ARMC9: variants seen among roughly 807,000 people sequenced by gnomAD.
ARMC9 encodes the protein armadillo repeat containing 9, also known as lisH domain-containing protein ARMC9.
In ARMC9, 94 loss-of-function variants were observed where a neutral mutation model predicts 107.0. The ratio of observed to expected loss-of-function variants is 0.88; its 90% CI spans 0.74 to 1.04. The LOEUF (loss-of-function observed/expected upper bound fraction) is 1.04. ARMC9 is among the 50% of genes least tolerant of loss of function. The probability of loss-of-function intolerance (pLI) is 0.00; values close to 1 mark genes in which losing one functional copy is unlikely to be tolerated. For missense variants in ARMC9, 942 were observed against 1,030.1 expected (o/e 0.91, Z 1.17); for synonymous variants, 380 against 396.9 (o/e 0.96, Z 0.51).
At chr2:231,245,877 T>TA (rs1288158602) in intron 9 of ARMC9, among the ~76,000 whole-genome samples, 1 of 152,120 alleles carries the variant, frequency 6.6e-6, no homozygotes, top group Non-Finnish European at 1.5e-5. Flanking sequence ...GGAGAAAAGG[T>TA]ATGCCACGAG....
At chr2:231,226,845 C>G (rs1203065661) in intron 7 of ARMC9, 47 bp downstream of exon 7, 2 of 1,588,960 alleles carry the variant, frequency 1.3e-6, no homozygotes, top group African/African-American at 1.3e-5. Flanking sequence ...TTTGCCAGTT[C>G]AGGTTTGAAG....
chr2:231,233,864 A>G (rs2035473072), intron 7 of ARMC9, among the ~76,000 whole-genome samples: 2 of 152,132 alleles, frequency 1.3e-5, no homozygotes, highest in African/African-American at 4.8e-5. Context: ...AGTAATAGCC[A>G]CCACTATATA....
intron 9 of ARMC9, among the ~76,000 whole-genome samples, chr2:231,254,530 T>C (rs1056244404): frequency 2.0e-5 from 3 of 151,568 alleles, no homozygotes; most frequent in East Asian, 1.9e-4. Context: ...AAACAAAATA[T>C]CAGTAAGTAC....
At chr2:231,319,569 A>G (rs1254139357) in intron 19 of ARMC9, among the ~76,000 whole-genome samples, 1 of 152,206 alleles carries the variant, frequency 6.6e-6, no homozygotes, top group Non-Finnish European at 1.5e-5. Flanking sequence ...CTAAGTGACC[A>G]GGGACTCTTC....
chr2:231,280,801 C>G (rs973843876), intron 16 of ARMC9, among the ~76,000 whole-genome samples: 4 of 152,056 alleles, frequency 2.6e-5, no homozygotes, highest in African/African-American at 7.2e-5. Flanking sequence ...GCAATCCAAT[C>G]GAAAAGAAGG....
intron 19 of ARMC9, among the ~76,000 whole-genome samples, chr2:231,324,364 A>G (rs567054549): frequency 1.1e-4 from 16 of 151,046 alleles, no homozygotes; most frequent in Admixed American, 2.6e-4. Context: ...CTGACCTCGT[A>G]ATCCGCCCAC....
At chr2:231,274,278 C>T (rs972383633) in intron 14 of ARMC9, among the ~76,000 whole-genome samples, 24 of 152,164 alleles carry the variant, frequency 1.6e-4, no homozygotes, top group Middle Eastern at 3.4e-3. Context: ...CCACCACACC[C>T]GGCTAATTTT....
chr2:231,258,665 C>A (rs2038062419), intron 10 of ARMC9, among the ~76,000 whole-genome samples: 1 of 152,156 alleles, frequency 6.6e-6, no homozygotes, highest in Non-Finnish European at 1.5e-5. Context: ...AGTCATGATG[C>A]CCTCAAGGTG....
At chr2:231,312,971 A>G (rs541207325) in intron 19 of ARMC9, among the ~76,000 whole-genome samples, 1 of 152,274 alleles carries the variant, frequency 6.6e-6, no homozygotes, top group South Asian at 2.1e-4. Flanking sequence ...GAATTCATCT[A>G]TTTAACAAAT....
At chr2:231,219,777 C>CT (rs568312023) in intron 5 of ARMC9, among the ~76,000 whole-genome samples, 54 of 150,272 alleles carry the variant, frequency 3.6e-4, no homozygotes, top group Middle Eastern at 3.4e-3. Flanking sequence ...TTCTCCATGT[C>CT]TTTTTTTTTC....
chr2:231,236,760 A>G (rs1186679398), intron 8 of ARMC9, among the ~76,000 whole-genome samples: 1 of 152,174 alleles, frequency 6.6e-6, no homozygotes, highest in Non-Finnish European at 1.5e-5. Context: ...CCCGGCCAAC[A>G]TGGCGAAACC....
chr2:231,365,660 CCAGCCGCACACACAGCAGATGGGAA>C (rs2045784582), intron 23 of ARMC9, among the ~76,000 whole-genome samples: 1 of 139,662 alleles, frequency 7.2e-6, no homozygotes, highest in African/African-American at 2.7e-5. Context: ...CAGATAGGAA[CCAGCCGCACACACAGCAGATGGGAA>C]CCAGCCGCAC....
rs567234216 is a variant in ARMC9, at chr2:231,220,692, C to T, written c.505-2036C>T. Among the ~76,000 whole-genome samples, 10 of 151,716 alleles carry T rather than the reference C, an allele frequency of 6.6e-5. No homozygotes were observed. The South Asian group carries it at 1.3e-3, about 19-fold the overall frequency. On this transcript the variant is annotated intron_variant, in intron 5 of 24. Transcript: ENST00000611582. Reference sequence around the variant, plus strand: ...GTTCATTTAACAAATCGACCCACCACGCCCAGCTTGGAAATGTTCTTATTC... The same window carrying T: ...GTTCATTTAACAAATCGACCCACCATGCCCAGCTTGGAAATGTTCTTATTC...
At chr2:231,267,886 C>T (rs1210241478) in intron 12 of ARMC9, among the ~76,000 whole-genome samples, 2 of 152,116 alleles carry the variant, frequency 1.3e-5, no homozygotes. Context: ...CCAACCAAAA[C>T]GTGCCCATAT....
At chr2:231,280,508 CAT>C (rs749864253) in intron 16 of ARMC9, among the ~76,000 whole-genome samples, 1 of 151,746 alleles carries the variant, frequency 6.6e-6, no homozygotes, top group Non-Finnish European at 1.5e-5. Context: ...TGAAAAATGA[CAT>C]ATATATATAC....
chr2:231,311,469 G>A (rs2042342077), intron 19 of ARMC9, among the ~76,000 whole-genome samples: 2 of 152,122 alleles, frequency 1.3e-5, no homozygotes. Context: ...GCCCCGTATA[G>A]AACACTGTGC....
chr2:231,200,796 C>T (rs2030783178), intron 1 of ARMC9, among the ~76,000 whole-genome samples: 1 of 150,488 alleles, frequency 6.6e-6, no homozygotes, highest in Admixed American at 6.6e-5. Context: ...GATCCCGCCA[C>T]TGCACTCCAG....
intron 19 of ARMC9, among the ~76,000 whole-genome samples, chr2:231,311,012 A>G: frequency 6.6e-6 from 1 of 152,086 alleles, no homozygotes; most frequent in East Asian, 1.9e-4. Context: ...CTGTAGTCCC[A>G]GCTACTTGGG....
At chr2:231,200,515 A>T (rs910191796) in intron 1 of ARMC9, among the ~76,000 whole-genome samples, 1 of 152,202 alleles carries the variant, frequency 6.6e-6, no homozygotes, top group Non-Finnish European at 1.5e-5. Flanking sequence ...TCTACTAAAA[A>T]TACAAAAATT....
Sources: allele counts gnomAD v4.1 joint callset (sites outside exome capture counted in the v4.1 genomes callset), GRCh38; gene constraint gnomAD v4.1.1; transcripts MANE v1.5; gene names NCBI Gene and HGNC (gene_info 2026-07-23, HGNC 2026-07-21).